The following OTOG variants were observed in gnomAD, a reference collection of about 807,000 sequenced individuals.
OTOG encodes the protein otogelin.
OTOG carries 296 observed loss-of-function variants against 313.8 expected under a neutral mutation model. The observed-to-expected ratio is 0.94, with a 90% CI of 0.86 to 1.04. The LOEUF (loss-of-function observed/expected upper bound fraction) is 1.04, where lower values mean the gene tolerates loss of function less well. Ranked by LOEUF, OTOG falls within the 50% of genes least tolerant of loss-of-function variation. The pLI, the probability that OTOG is intolerant of heterozygous loss-of-function variation, is 0.00. For synonymous variants in OTOG, 1,533 were observed against 1,554.9 expected (o/e 0.99, Z 0.33); for missense variants, 3,948 against 3,840.1 (o/e 1.03, Z -0.74).
At chr11:17,550,426 C>T (rs900399212) in intron 3 of OTOG, among the ~76,000 whole-genome samples, 2 of 151,990 alleles carry the variant, frequency 1.3e-5, no homozygotes, top group African/African-American at 4.8e-5. Context: ...AGAAGGTGTC[C>T]ACATAGGGTC....
chr11:17,560,762 T>C lies in OTOG; in HGVS notation c.1396T>C (p.Phe466Leu). ...GGCACCAGCTGAGTGTCCCTGTGAG[T>C]TTCACGGGACTCTGTACCCACCTGG... ...CVAPAECPCE[F>L]HGTLYPPGSV... The change falls in exon 13 of 56, where the codon TTT becomes CTT. Residue 466 changes from phenylalanine to leucine, a missense_variant. Phe to Leu is a conservative substitution (Grantham distance 22). Transcript: ENST00000399397. 1 of 1,550,478 alleles carries C rather than the reference T, an allele frequency of 6.4e-7. No individual in the cohort carries two copies. Among genetic ancestry groups the C allele is most frequent in the South Asian group, 1.2e-5 (1 of 84,058 alleles).
chr11:17,581,219 G>A (rs1852658348), intron 23 of OTOG, among the ~76,000 whole-genome samples: 1 of 152,186 alleles, frequency 6.6e-6, no homozygotes, highest in Admixed American at 6.5e-5. Context: ...AGGAGGTTGG[G>A]TTGCAAGTCT....
intron 47 of OTOG, among the ~76,000 whole-genome samples, chr11:17,637,882 T>C (rs1854301354): frequency 6.6e-6 from 1 of 152,174 alleles, no homozygotes; most frequent in South Asian, 2.1e-4. Flanking sequence ...GTGCTGACCC[T>C]CGCCCCTCCC....
chr11:17,552,932 C>T (rs530562997), intron 4 of OTOG, among the ~76,000 whole-genome samples, 187 bp from the exon 5 acceptor site: 1 of 152,352 alleles, frequency 6.6e-6, no homozygotes, highest in East Asian at 1.9e-4. Flanking sequence ...CGACCCCACC[C>T]CACCGGCTTG....
At chr11:17,638,203 C>A (rs909994483) in intron 47 of OTOG, among the ~76,000 whole-genome samples, 3 of 152,184 alleles carry the variant, frequency 2.0e-5, no homozygotes. Flanking sequence ...ATTGAGGAGG[C>A]CCAATTTAAT....
At chr11:17,552,732 C>T (rs1355615164) in intron 4 of OTOG, among the ~76,000 whole-genome samples, 2 of 152,242 alleles carry the variant, frequency 1.3e-5, no homozygotes, top group Admixed American at 6.5e-5. Context: ...TGGCTTCTTC[C>T]CTGAGTGTGT....
chr11:17,643,001 A>G (rs1283782990), intron 53 of OTOG, among the ~76,000 whole-genome samples: 12 of 152,206 alleles, frequency 7.9e-5, no homozygotes, highest in Admixed American at 5.2e-4. Context: ...CCATTTCATT[A>G]TAGAGGAGGA....
chr11:17,638,941 C>G, intron 48 of OTOG: 1 of 483,296 alleles, frequency 2.1e-6, no homozygotes, highest in Non-Finnish European at 3.5e-6. Flanking sequence ...ACTGAAAATA[C>G]AAGAAAATCA....
In OTOG at chr11:17,591,440, T is replaced by C. The variant is rs1478343992; in HGVS notation, c.2868-10T>C. 1 of 1,550,580 alleles carries C rather than the reference T, an allele frequency of 6.4e-7. No homozygotes were observed. Among genetic ancestry groups the C allele is most frequent in the Non-Finnish European group, 8.7e-7 (1 of 1,147,010 alleles). On this transcript the variant is annotated splice_polypyrimidine_tract_variant and intron_variant, in intron 24 of 55. Transcript: ENST00000399397. The stretch of plus-strand genomic sequence containing the variant: ...TGCCCTGTGATCTGGTCTGGGCATG[T>C]GTTTTTCAGTGTGTGCCAGCGGGGC...
At chr11:17,641,429 G>A (rs1231366045) in intron 51 of OTOG, among the ~76,000 whole-genome samples, 2 of 152,178 alleles carry the variant, frequency 1.3e-5, no homozygotes, top group Admixed American at 6.5e-5. Context: ...TTCATGCCTA[G>A]TACTTAGGAT....
rs1321645699 is a variant in OTOG at position 17,609,996 on chromosome 11, G to C, written c.4696G>C (p.Glu1566Gln). The C allele has an allele frequency of 2.6e-6, 4 of 1,544,424 alleles. No homozygotes were observed. The highest frequency in any genetic ancestry group is 1.2e-5 in the South Asian group (1 of 83,316). The part of the protein sequence containing the change: ...ASLLAIPHTP[E>Q]SSSLPVALQT... ...CCTCCTGGCCATCCCCCATACACCA[G>C]AGTCCTCATCCCTCCCTGTTGCACT... is the stretch of plus-strand genomic sequence containing the variant. The change falls in exon 36 of 56, where the codon GAG becomes CAG. Residue 1566 changes from glutamate (E) to glutamine (Q), a missense_variant. By Grantham distance (29) the Glu-to-Gln change is conservative. Transcript: ENST00000399397.
chr11:17,637,169 C>A (rs1205247924), intron 47 of OTOG, among the ~76,000 whole-genome samples: 1 of 152,236 alleles, frequency 6.6e-6, no homozygotes, highest in African/African-American at 2.4e-5. Flanking sequence ...TCCAGATTCT[C>A]TCTATGGCTT....
intron 11 of OTOG, 90 bp from the exon 12 acceptor site, chr11:17,559,444 C>T: frequency 6.6e-7 from 1 of 1,504,828 alleles, no homozygotes; most frequent in Non-Finnish European, 9.0e-7. Flanking sequence ...AGCCCTCCCT[C>T]CCATCCTCAC....
intron 7 of OTOG, among the ~76,000 whole-genome samples, chr11:17,556,557 G>T (rs1372416372): frequency 6.6e-6 from 1 of 152,184 alleles, no homozygotes; most frequent in Non-Finnish European, 1.5e-5. Context: ...TTGTTCTGGG[G>T]CTGAGTGTAA....
chr11:17,606,153 A>T lies in OTOG; in HGVS notation c.4156+18A>T, dbSNP rs1853384112. 9 of 1,513,896 alleles carry T rather than the reference A, an allele frequency of 5.9e-6. No homozygotes were observed. Among genetic ancestry groups the T allele is most frequent in the Non-Finnish European group, 8.0e-6 (9 of 1,126,928 alleles). The allele number at this position is 1,513,896 out of a possible 1,614,324, so 93.8% of individuals were successfully genotyped here. On this transcript the variant is annotated intron_variant, in intron 33 of 55. Coordinates refer to ENST00000399397, the MANE Select transcript of OTOG (RefSeq NM_001292063.2). ...CCTTCTGGGTAGGCGACCCCCTGCC[A>T]TTGCCCTCGGCCCTTTGGCCCTCTC...
At chr11:17,583,211 A>G (rs1353940671) in intron 23 of OTOG, among the ~76,000 whole-genome samples, 1 of 152,112 alleles carries the variant, frequency 6.6e-6, no homozygotes, top group Non-Finnish European at 1.5e-5. Context: ...CACGGCTCAC[A>G]GCAGCCTTGA....
Position 17,570,314 on chromosome 11 carries a change from C to A in OTOG, c.1879C>A (p.Gln627Lys), listed in dbSNP as rs1852376527. 6.4e-7 allele frequency: 1 copy of A among 1,550,758 alleles called. No individual in the cohort carries two copies. Among genetic ancestry groups the A allele is most frequent in the Non-Finnish European group, 8.7e-7 (1 of 1,147,026 alleles). Residue 627 changes from glutamine (Q) to lysine (K), a missense_variant, in exon 17 of 56, where the codon CAA (glutamine) becomes AAA (lysine). Coordinates refer to ENST00000399397, the MANE Select transcript of OTOG (RefSeq NM_001292063.2). ...YDREGLRLYL[Q>K]VDQRWVEDTV... The stretch of plus-strand genomic sequence containing the variant: ...CCGTGAAGGGCTCCGACTGTACCTG[C>A]AAGTGGACCAGCGATGGGTGGAGGA...
intron 54 of OTOG, 130 bp from the exon 55 acceptor site, chr11:17,645,434 C>A: frequency 1.2e-6 from 1 of 821,462 alleles, no homozygotes; most frequent in African/African-American, 1.7e-5. Flanking sequence ...GGGAGGGGCA[C>A]TAATGCATGG....
intron 31 of OTOG, among the ~76,000 whole-genome samples, chr11:17,599,920 A>C (rs189442528): frequency 6.6e-6 from 1 of 152,358 alleles, no homozygotes; most frequent in Non-Finnish European, 1.5e-5. Context: ...TCCGGGGCCC[A>C]GGCAGGCCAG....
Sources: gnomAD v4.1 joint callset for allele counts (sites outside exome capture counted in the v4.1 genomes callset) on GRCh38, gnomAD v4.1.1 for gene constraint, MANE v1.5 for transcripts, NCBI Gene and HGNC (gene_info 2026-07-23, HGNC 2026-07-21) for gene names.